Variants in PTPRN observed in about 807,000 individuals in gnomAD.
PTPRN encodes protein tyrosine phosphatase receptor type N, also known as receptor-type tyrosine-protein phosphatase-like N.
PTPRN carries 70 observed loss-of-function variants against 108.5 expected under a neutral mutation model. The observed-to-expected ratio is 0.65, with a 90% CI of 0.53 to 0.79. The LOEUF is 0.79. Ranked by LOEUF, PTPRN falls within the 30% of genes least tolerant of loss-of-function variation. The pLI is 0.00. For missense variants in PTPRN, 1,136 were observed against 1,295.5 expected, an observed-to-expected ratio of 0.88 and a Z score of 1.89; for synonymous variants, 496 against 524.6, an observed-to-expected ratio of 0.95 and a Z score of 0.75.
chr2:219,292,765 C>T (rs556595255), intron 19 of PTPRN: 8 of 152,138 alleles, frequency 5.3e-5, no homozygotes, highest in Non-Finnish European at 8.8e-5. Context: ...TGTTGGGAAC[C>T]GAGCCGCATA....
At position 219,290,181 on chromosome 2, in the gene PTPRN, A is replaced by G; in HGVS notation, c.*45T>C. 1 of 1,545,460 alleles carries G rather than the reference A, an allele frequency of 6.5e-7. No individual in the cohort carries two copies. Among genetic ancestry groups the G allele is most frequent in the Non-Finnish European group, 8.9e-7 (1 of 1,117,976 alleles). ...GGTACACAGAGATGCTCACACAGGC[A>G]AAGAGGGACAGAGGCTGGGCTGCCC... On this transcript the variant is annotated 3_prime_UTR_variant, in exon 23 of 23. Coordinates refer to ENST00000295718, the MANE Select transcript of PTPRN (RefSeq NM_002846.4). The surrounding 1 kb of genome is among the most constrained non-coding windows in gnomAD (Gnocchi z 4.2).
Position 219,296,676 on chromosome 2 carries a change from C to T in PTPRN, c.2310+73G>A. The stretch of plus-strand genomic sequence containing the variant: ...GGGGGTTGGTGGGGTGGCAGGTGAC[C>T]ACGGGGAAATGGAGTGCATAGGGCC... On this transcript the variant is annotated intron_variant, in intron 16 of 22. Transcript: ENST00000295718. This position sits in a 1 kb window ranked among gnomAD's most constrained non-coding sequence, Gnocchi z 6.0. 6.3e-7 allele frequency: 1 copy of T among 1,587,212 alleles called. No homozygotes were observed. The highest frequency in any genetic ancestry group is 8.6e-7 in the Non-Finnish European group (1 of 1,161,882).
intron 1 of PTPRN, chr2:219,308,789 A>G: frequency 1.6e-6 from 2 of 1,248,088 alleles, no homozygotes; most frequent in African/African-American, 1.5e-5. Flanking sequence ...CTGGGACTCT[A>G]TGTCTGCGGC....
rs73991463 is a variant in PTPRN, at chr2:219,308,794, T to C, written c.115+424A>G. 2.9e-3 allele frequency: 3,645 copies of C among 1,260,264 alleles called. 109 individuals carry two copies. In the African/African-American group the frequency reaches 0.051, roughly 18 times the overall value. 78.1% of individuals were successfully genotyped at this position (1,260,264 alleles called of 1,614,324 possible). On this transcript the variant is annotated intron_variant, in intron 1 of 22. Transcript: ENST00000295718. ...CTCTGCCCAGCTGGGACTCTATGTCTGCGGCCCAGGCTTCCACTGCCCAGA... is the reference window on the plus strand; with the variant it reads ...CTCTGCCCAGCTGGGACTCTATGTCCGCGGCCCAGGCTTCCACTGCCCAGA...
Position 219,295,117 on chromosome 2 carries a change from A to G in PTPRN, c.2533T>C (p.Trp845Arg). 1.2e-6 allele frequency: 2 copies of G among 1,612,314 alleles called. No homozygotes were observed. Among genetic ancestry groups the G allele is most frequent in the Non-Finnish European group, 1.7e-6 (2 of 1,179,150 alleles). The stretch of plus-strand genomic sequence containing the variant: ...CTCCGCACCAGAAAGTCCTCGCACC[A>G]GATGTGCTCCGACACCAGGTTCACC... ...YEVNLVSEHI[W>R]CEDFLVRSFY... Residue 845 changes from tryptophan to arginine, a missense_variant, in exon 19 of 23, where the codon TGG becomes CGG. By Grantham distance (101) the Trp-to-Arg change is moderately radical. Coordinates refer to ENST00000295718, the MANE Select transcript of PTPRN (RefSeq NM_002846.4).
chr2:219,302,262 C>T lies in PTPRN; in HGVS notation c.869G>A (p.Arg290Lys). 1 of 1,614,222 alleles carries T rather than the reference C, an allele frequency of 6.2e-7. No homozygotes were observed. Among genetic ancestry groups the T allele is most frequent in the South Asian group, 1.1e-5 (1 of 91,090 alleles). The change falls in exon 6 of 23, where the codon AGG becomes AAG. Residue 290 changes from arginine (R) to lysine (K), a missense_variant. By Grantham distance (26) the Arg-to-Lys change is conservative. Coordinates refer to ENST00000295718, the MANE Select transcript of PTPRN (RefSeq NM_002846.4). ...YLAQELPAPS[R>K]ARVPRLPEQG... ...CTCTGGCAGCCTTGGCACCCTGGCC[C>T]TGCTGGGTGCTGGCAACTCCTGGGC...
rs752379052 is a variant in PTPRN at position 219,307,820 on chromosome 2, G to C, written c.138C>G (p.Leu46=). ...SAHGCLFDRR[L]CSHLEVCIQD... ...GAATACAGACTTCCAGGTGAGAGCA[G>C]AGCCTGCGGTCAAATAGACAGCCTG... The change falls in exon 2 of 23, where the codon CTC becomes CTG. Residue 46 remains leucine, a synonymous_variant. Transcript: ENST00000295718. The C allele has an allele frequency of 1.9e-5, 30 of 1,614,080 alleles. No homozygotes were observed. Among genetic ancestry groups the C allele is most frequent in the Non-Finnish European group, 2.5e-5 (30 of 1,180,036 alleles).
Position 219,302,389 on chromosome 2 carries a change from C to T in PTPRN, c.742G>A (p.Ala248Thr). Residue 248 changes from alanine (A) to threonine (T), a missense_variant, in exon 6 of 23, where the codon GCC becomes ACC. Transcript: ENST00000295718. ...TGGTCCCCAAATATGCCCTTGGAGG[C>T]AGTTCTGCTGAAGAGGGCAGGGGCT... ...AEAPALFSRT[A>T]SKGIFGDHPG... 6.2e-7 allele frequency: 1 copy of T among 1,614,074 alleles called. No homozygotes were observed. The highest frequency in any genetic ancestry group is 8.5e-7 in the Non-Finnish European group (1 of 1,179,936).
In PTPRN at chr2:219,295,058, C is replaced by T. The variant is rs747674504; in HGVS notation, c.2592G>A (p.Thr864=). The T allele has an allele frequency of 1.8e-5, 29 of 1,613,388 alleles. No individual in the cohort carries two copies. Among genetic ancestry groups the T allele is most frequent in the Non-Finnish European group, 1.0e-5 (12 of 1,179,660 alleles). ...FYLKNVQTQE[T]RTLTQFHFLS... is the part of the protein sequence containing the mutation. Reference sequence around the variant, plus strand: ...GGAAGTGGAACTGCGTGAGCGTGCGCGTCTCCTGGGTCTGCACGTTCTTCA... The same window carrying T: ...GGAAGTGGAACTGCGTGAGCGTGCGTGTCTCCTGGGTCTGCACGTTCTTCA... The change falls in exon 19 of 23, where the codon ACG becomes ACA. Residue 864 remains threonine (T), a synonymous_variant. Transcript: ENST00000295718.
intron 7 of PTPRN, 48 bp from the exon 8 acceptor site, chr2:219,301,025 G>T (rs755916892): frequency 1.4e-5 from 23 of 1,588,764 alleles, no homozygotes; most frequent in Non-Finnish European, 1.9e-5. Context: ...CATGGCCAAG[G>T]TCTACACAAC....
At position 219,296,091 on chromosome 2, in the gene PTPRN, T is replaced by C; in HGVS notation, c.2508+135A>G. On this transcript the variant is annotated intron_variant, in intron 18 of 22. Coordinates refer to ENST00000295718, the MANE Select transcript of PTPRN (RefSeq NM_002846.4). This position sits in a 1 kb window ranked among gnomAD's most constrained non-coding sequence, Gnocchi z 6.0. ...GTGTTTATATATATTCATATATGTA[T>C]GAATCATGAGCAGGGCCAATAAAAG... 1 of 1,250,192 alleles carries C rather than the reference T, an allele frequency of 8.0e-7. No individual in the cohort carries two copies. Among genetic ancestry groups the C allele is most frequent in the Non-Finnish European group, 1.1e-6 (1 of 881,936 alleles). 77.4% of individuals were successfully genotyped at this position (1,250,192 alleles called of 1,614,324 possible).
In PTPRN at chr2:219,297,442, G is replaced by C; in HGVS notation, c.1888-9C>G. 1 of 1,613,858 alleles carries C rather than the reference G, an allele frequency of 6.2e-7. No homozygotes were observed. The highest frequency in any genetic ancestry group is 1.1e-5 in the South Asian group (1 of 91,070). Reference sequence around the variant, plus strand: ...TGCTGGCGGCACAGGTCCTGTGGAGGAAGAATCAGGTGAGGTCCAAGAGTC... The same window carrying C: ...TGCTGGCGGCACAGGTCCTGTGGAGCAAGAATCAGGTGAGGTCCAAGAGTC... On this transcript the variant is annotated splice_polypyrimidine_tract_variant and intron_variant, in intron 13 of 22. Transcript: ENST00000295718. This position sits in a 1 kb window ranked among gnomAD's most constrained non-coding sequence, Gnocchi z 6.0.
intron 18 of PTPRN, chr2:219,295,963 G>C (rs538816528): frequency 2.5e-6 from 1 of 405,868 alleles, no homozygotes; most frequent in African/African-American, 2.5e-5. Flanking sequence ...AACGCTTTTT[G>C]ACTCTAGACA....
Position 219,298,093 on chromosome 2 carries a change from G to T in PTPRN, c.1679C>A (p.Ala560Glu). ...CGCAGTTTGGGGAAGGACTGCAGCT[G>T]CCTCCTCCCTCTGTGGGAACAAGGC... ...LQTGVGQREEAAAVLPQTAHS... is the reference protein window; with the variant it reads ...LQTGVGQREEEAAVLPQTAHS... Residue 560 changes from alanine to glutamate, a missense_variant, in exon 13 of 23, where the codon GCA becomes GAA. By Grantham distance (107) the Ala-to-Glu change is moderately radical (BLOSUM62 -1). Coordinates refer to ENST00000295718, the MANE Select transcript of PTPRN (RefSeq NM_002846.4). 6.2e-7 allele frequency: 1 copy of T among 1,612,744 alleles called. No homozygotes were observed.
intron 18 of PTPRN, 139 bp from the exon 19 acceptor site, chr2:219,295,280 C>T: frequency 1.2e-6 from 1 of 868,794 alleles, no homozygotes; most frequent in Non-Finnish European, 1.8e-6. Context: ...TTCCAGCGGT[C>T]CCAGGAACCC....
At position 219,299,983 on chromosome 2, in the gene PTPRN, A is replaced by C; in HGVS notation, c.1436+2T>G. 6.2e-7 allele frequency: 1 copy of C among 1,614,126 alleles called. No homozygotes were observed. The highest frequency in any genetic ancestry group is 8.5e-7 in the Non-Finnish European group (1 of 1,180,004). ...GAAAGCTTCCCAGGATGCAGCCCTT[A>C]CTTCTGATCAGTGACGATGTAGCCA... On this transcript the variant is annotated splice_donor_variant, in intron 9 of 22. Transcript: ENST00000295718. LOFTEE classifies it high-confidence loss of function.
chr2:219,305,383 C>G (rs1952456877), intron 3 of PTPRN, among the ~76,000 whole-genome samples: 1 of 152,150 alleles, frequency 6.6e-6, no homozygotes, highest in Non-Finnish European at 1.5e-5. Context: ...GCTGGGATTA[C>G]AGGTGCTCGC....
At chr2:219,308,122 C>G (rs1952529607) in intron 1 of PTPRN, 1 of 439,664 alleles carries the variant, frequency 2.3e-6, no homozygotes, top group Non-Finnish European at 4.1e-6. Context: ...GAGAGAGATT[C>G]ATAGAATTAC....
Position 219,296,343 on chromosome 2 carries a change from C to T in PTPRN, c.2391G>A (p.Met797Ile), listed in dbSNP as rs1265423446. ...TGACGGTGCAGCCGCTCTCCCACAC[C>T]ATCTAGGGACAGAGACCCAGTTGAG... Reference protein sequence around the residue: ...LSHTIADFWQMVWESGCTVIV... With the variant: ...LSHTIADFWQIVWESGCTVIV... The change falls in exon 18 of 23, where the codon ATG becomes ATA. Residue 797 changes from methionine (M) to isoleucine (I), a missense_variant and splice_region_variant. By Grantham distance (10) the Met-to-Ile change is conservative. Coordinates refer to ENST00000295718, the MANE Select transcript of PTPRN (RefSeq NM_002846.4). This position sits in a 1 kb window ranked among gnomAD's most constrained non-coding sequence, Gnocchi z 6.0. The T allele has an allele frequency of 6.2e-7, 1 of 1,614,144 alleles. No individual in the cohort carries two copies. Among genetic ancestry groups the T allele is most frequent in the South Asian group, 1.1e-5 (1 of 91,078 alleles).
Sources: gnomAD v4.1 joint callset for allele counts (sites outside exome capture counted in the v4.1 genomes callset) on GRCh38, gnomAD v4.1.1 for gene constraint, Gnocchi (gnomAD v3.1) non-coding constraint, MANE v1.5 for transcripts, NCBI Gene and HGNC (gene_info 2026-07-23, HGNC 2026-07-21) for gene names.